Variants in ZNF44 observed in about 807,000 individuals in gnomAD.
ZNF44 encodes zinc finger protein 44.
ZNF44 carries 9 observed loss-of-function variants against 11.7 expected under a neutral mutation model. The observed-to-expected ratio is 0.77, with a 90% CI of 0.46 to 1.35. ZNF44 has a LOEUF of 1.35. Ranked by LOEUF, ZNF44 falls within the 40% of genes most tolerant of loss-of-function variation. The probability of loss-of-function intolerance (pLI) is 0.00; values close to 1 mark genes in which losing one functional copy is unlikely to be tolerated. For synonymous variants in ZNF44, 224 were observed against 242.7 expected (o/e 0.92, Z 0.72); for missense variants, 696 against 743.1 (o/e 0.94, Z 0.74).
intron 1 of ZNF44, among the ~76,000 whole-genome samples, chr19:12,282,331 T>C (rs936294044): frequency 1.3e-4 from 20 of 152,070 alleles, no homozygotes; most frequent in African/African-American, 3.1e-4. Context: ...GTCTCACATA[T>C]AGGCATTAAG....
At chr19:12,233,881 A>T (rs1240870054) in intron 2 of ZNF44, among the ~76,000 whole-genome samples, 2 of 151,926 alleles carry the variant, frequency 1.3e-5, no homozygotes, top group Admixed American at 6.6e-5. Context: ...GACCAACATG[A>T]TAAAACCCTG....
At chr19:12,231,137 G>A (rs547120468) in intron 2 of ZNF44, among the ~76,000 whole-genome samples, 19 of 151,520 alleles carry the variant, frequency 1.3e-4, no homozygotes, top group Non-Finnish European at 2.4e-4. Context: ...TCTAGTCAAA[G>A]GCTTTTTTCC....
rs577764401 is a variant in ZNF44 at position 12,294,845 on chromosome 19, G to C, written c.-151C>G. On this transcript the variant is annotated 5_prime_UTR_variant, in exon 1 of 4. Transcript: ENST00000355684. ...AGGGTGAAGAGGCCACTAGCTCCTG[G>C]AACGTCACACCCTCCTCTCTGCCTC... 3.0e-3 allele frequency: 2,486 copies of C among 839,744 alleles called. 5 individuals are homozygous for C. Among genetic ancestry groups the C allele is most frequent in the Non-Finnish European group, 3.6e-3 (2,063 of 569,310 alleles). The allele number at this position is 839,744 out of a possible 1,614,324, so 52.0% of individuals were successfully genotyped here.
At chr19:12,261,641 A>G (rs975076983) in intron 5 of ZNF44, among the ~76,000 whole-genome samples, 8 of 152,224 alleles carry the variant, frequency 5.3e-5, no homozygotes, top group South Asian at 2.1e-4. Flanking sequence ...GTCTCTAACA[A>G]TAACAACAAC....
At chr19:12,279,746 C>T (rs1053680325) in intron 1 of ZNF44, among the ~76,000 whole-genome samples, 15 of 150,898 alleles carry the variant, frequency 9.9e-5, no homozygotes, top group Non-Finnish European at 1.8e-4. Flanking sequence ...ATTTCTGCAG[C>T]TGCAAGATAC....
chr19:12,270,624 G>C (rs1462380736), downstream of ZNF44, among the ~76,000 whole-genome samples: 1 of 151,966 alleles, frequency 6.6e-6, no homozygotes, highest in Non-Finnish European at 1.5e-5. Flanking sequence ...GCTAATTTTT[G>C]TATTTTTAGT....
At chr19:12,278,685 C>A (rs1474324472) in intron 1 of ZNF44, among the ~76,000 whole-genome samples, 2 of 151,650 alleles carry the variant, frequency 1.3e-5, no homozygotes, top group Admixed American at 1.3e-4. Context: ...CACGATTGTG[C>A]CACTGCACTC....
chr19:12,278,786 T>G (rs1268832775), intron 1 of ZNF44, among the ~76,000 whole-genome samples: 1 of 151,280 alleles, frequency 6.6e-6, no homozygotes, highest in Non-Finnish European at 1.5e-5. Context: ...GGCTAGGGTA[T>G]AATTTTTCTT....
intron 5 of ZNF44, among the ~76,000 whole-genome samples, chr19:12,256,552 TA>T (rs1917266695): frequency 6.6e-6 from 1 of 152,148 alleles, no homozygotes. Flanking sequence ...GCTTACCACA[TA>T]ATTTTCAGGA....
downstream of ZNF44, among the ~76,000 whole-genome samples, chr19:12,267,879 C>T (rs1917791022): frequency 6.6e-6 from 1 of 150,722 alleles, no homozygotes; most frequent in African/African-American, 2.4e-5. Flanking sequence ...CTCTGTCAAC[C>T]AGGCTGGAGT....
intron 7 of ZNF44, chr19:12,249,974 T>G: frequency 7.8e-7 from 1 of 1,282,850 alleles, no homozygotes; most frequent in Non-Finnish European, 1.0e-6. Context: ...TGAGTGTGAC[T>G]CACCTGAGAT....
chr19:12,237,728 CG>C (rs1916446931), upstream of ZNF44: 1 of 152,410 alleles, frequency 6.6e-6, no homozygotes, highest in Non-Finnish European at 1.5e-5. Context: ...ACGGAAAACT[CG>C]GAAGTGTGGA....
Position 12,275,356 on chromosome 19 carries a change from T to G in ZNF44, c.131-323A>C, listed in dbSNP as rs8110138. Among the ~76,000 whole-genome samples, 1,370 of 152,184 alleles carry G rather than the reference T, an allele frequency of 9.0e-3. 16 individuals are homozygous for G. The highest frequency in any genetic ancestry group is 0.032 in the African/African-American group (1,319 of 41,550). ...TCCTTAAGATTTTCTTATTAATATTTACTTTCTCTAGGCCGGGCATAGTGG... is the reference window on the plus strand; with the variant it reads ...TCCTTAAGATTTTCTTATTAATATTGACTTTCTCTAGGCCGGGCATAGTGG... On this transcript the variant is annotated intron_variant, in intron 2 of 3. Transcript: ENST00000355684.
At chr19:12,247,642 T>C (rs769456435), downstream of ZNF44, 2 of 1,343,406 alleles carry the variant, frequency 1.5e-6, no homozygotes, top group Non-Finnish European at 2.0e-6. Flanking sequence ...CTTTCATGTC[T>C]TCGGGCAGAA....
At chr19:12,258,351 A>T (rs2145701774) in intron 5 of ZNF44, among the ~76,000 whole-genome samples, 1 of 150,218 alleles carries the variant, frequency 6.7e-6, no homozygotes, top group East Asian at 1.9e-4. Flanking sequence ...AAAAAAAAAA[A>T]AAAAAAAGCA....
At chr19:12,268,935 G>A (rs527751645), downstream of ZNF44, among the ~76,000 whole-genome samples, 13 of 151,998 alleles carry the variant, frequency 8.6e-5, no homozygotes, top group African/African-American at 2.9e-4. Flanking sequence ...GTAGACACAT[G>A]GTCTCCCTAT....
In ZNF44 at chr19:12,273,333, G is replaced by T. The variant is rs747193093; in HGVS notation, c.922C>A (p.Pro308Thr). Residue 308 changes from proline to threonine, a missense_variant, in exon 4 of 4, where the codon CCC (proline) becomes ACC (threonine). Pro to Thr is a conservative substitution (Grantham distance 38, BLOSUM62 -1). Transcript: ENST00000355684. Reference sequence around the variant, plus strand: ...TTCCCACACTGTTTACATGTATAGGGTTTCTCTCCAGTGTGAATTCTTTCA... The same window carrying T: ...TTCCCACACTGTTTACATGTATAGGTTTTCTCTCCAGTGTGAATTCTTTCA... The part of the protein sequence containing the change: ...VHERIHTGEK[P>T]YTCKQCGKAF... 55 of 1,613,674 alleles carry T rather than the reference G, an allele frequency of 3.4e-5. No homozygotes were observed. Among genetic ancestry groups the T allele is most frequent in the Admixed American group, 1.3e-4 (8 of 59,964 alleles).
intron 2 of ZNF44, among the ~76,000 whole-genome samples, chr19:12,233,493 A>G (rs1916243473): frequency 6.7e-6 from 1 of 149,514 alleles, no homozygotes; most frequent in African/African-American, 2.5e-5. Context: ...AACATACTTG[A>G]GAAGGTTCAG....
intron 2 of ZNF44, among the ~76,000 whole-genome samples, chr19:12,232,516 G>T (rs1435084865): frequency 2.6e-5 from 4 of 152,256 alleles, no homozygotes; most frequent in Non-Finnish European, 5.9e-5. Context: ...GTGTCCCTGG[G>T]TACTTGAGAT....
Sources: allele counts gnomAD v4.1 joint callset (sites outside exome capture counted in the v4.1 genomes callset), GRCh38; gene constraint gnomAD v4.1.1; transcripts MANE v1.5; gene names NCBI Gene and HGNC (gene_info 2026-07-23, HGNC 2026-07-21).